Variants in NEXN observed in about 807,000 individuals in gnomAD.
NEXN encodes nexilin.
A neutral mutation model predicts 92.6 loss-of-function variants in NEXN; 65 were observed. That is an observed-to-expected ratio of 0.70 (90% CI 0.57 to 0.86). The LOEUF (loss-of-function observed/expected upper bound fraction) is 0.86. NEXN is among the 40% of genes least tolerant of loss of function. NEXN has a pLI of 0.00. For synonymous variants in NEXN, 254 were observed against 242.5 expected (o/e 1.05, Z -0.44); for missense variants, 778 against 771.1 (o/e 1.01, Z -0.11).
At chr1:77,937,200 A>G (rs1650838250) in intron 11 of NEXN, among the ~76,000 whole-genome samples, 2 of 152,078 alleles carry the variant, frequency 1.3e-5, no homozygotes, top group South Asian at 4.1e-4. Flanking sequence ...GTTACTTGGG[A>G]GGCTGAGGTG....
At chr1:77,928,039 G>A (rs1224301037) in intron 8 of NEXN, among the ~76,000 whole-genome samples, 2 of 151,928 alleles carry the variant, frequency 1.3e-5, no homozygotes, top group Non-Finnish European at 2.9e-5. Flanking sequence ...GCCAGGCATG[G>A]TGGCCATGCC....
chr1:77,904,218 C>G (rs1488118607), intron 1 of NEXN, among the ~76,000 whole-genome samples: 1 of 152,080 alleles, frequency 6.6e-6, no homozygotes, highest in East Asian at 1.9e-4. Context: ...GTCTCAAACT[C>G]CTGACCTCAA....
chr1:77,923,681 T>TTTA (rs1453818826), intron 5 of NEXN, among the ~76,000 whole-genome samples: 14 of 4,542 alleles, frequency 3.1e-3, no homozygotes, highest in African/African-American at 5.6e-3. Flanking sequence ...TGAGCTCTCT[T>TTTA]TTTTTTTTTT....
intron 8 of NEXN, among the ~76,000 whole-genome samples, chr1:77,927,615 T>A (rs1571138505): frequency 6.6e-6 from 1 of 151,406 alleles, no homozygotes; most frequent in Non-Finnish European, 1.5e-5. Flanking sequence ...TGTGTGTGTG[T>A]GTGTGTGTGT....
intron 1 of NEXN, among the ~76,000 whole-genome samples, chr1:77,906,010 G>C (rs1364670702): frequency 2.0e-5 from 3 of 152,078 alleles, no homozygotes; most frequent in Non-Finnish European, 4.4e-5. Context: ...AGAAGAAAAA[G>C]TGGACAATGA....
chr1:77,907,831 T>TCA (rs748552595), intron 1 of NEXN, among the ~76,000 whole-genome samples: 7 of 152,134 alleles, frequency 4.6e-5, no homozygotes, highest in Non-Finnish European at 1.0e-4. Context: ...TTCTTTCATT[T>TCA]CACACACACA....
intron 7 of NEXN, 43 bp downstream of exon 7, chr1:77,926,654 A>C (rs769483153): frequency 1.1e-5 from 17 of 1,613,880 alleles, no homozygotes; most frequent in Non-Finnish European, 1.4e-5. Context: ...AAATCAAGGC[A>C]GTTTAAGTTA....
intron 5 of NEXN, among the ~76,000 whole-genome samples, chr1:77,918,665 A>G (rs1430761752): frequency 6.9e-6 from 1 of 145,862 alleles, no homozygotes; most frequent in African/African-American, 2.5e-5. Context: ...GACCTATCTC[A>G]AAGAAAAAAA....
intron 5 of NEXN, among the ~76,000 whole-genome samples, chr1:77,921,156 C>T (rs1435198458): frequency 6.6e-6 from 1 of 152,120 alleles, no homozygotes; most frequent in Non-Finnish European, 1.5e-5. Flanking sequence ...GGCTGGGTAA[C>T]AACATAGTGA....
At chr1:77,912,595 A>G (rs533464593) in intron 1 of NEXN, among the ~76,000 whole-genome samples, 10 of 151,068 alleles carry the variant, frequency 6.6e-5, no homozygotes, top group South Asian at 4.1e-4. Flanking sequence ...TGGTGAAATA[A>G]TAAACAAAAA....
intron 1 of NEXN, among the ~76,000 whole-genome samples, chr1:77,909,295 C>G (rs560295089): frequency 2.0e-5 from 3 of 152,080 alleles, no homozygotes; most frequent in African/African-American, 7.2e-5. Context: ...TGGGGCATGC[C>G]TGTAATCCCA....
chr1:77,943,020 G>T lies in NEXN; in HGVS notation c.*191G>T. 1.5e-6 allele frequency: 1 copy of T among 682,962 alleles called. No individual in the cohort carries two copies. Among genetic ancestry groups the T allele is most frequent in the Non-Finnish European group, 2.6e-6 (1 of 383,454 alleles). 42.3% of individuals were successfully genotyped at this position (682,962 alleles called of 1,614,324 possible). A position where few individuals can be genotyped will look rare whatever the true frequency, so the allele number is the denominator to read the frequency against. On this transcript the variant is annotated 3_prime_UTR_variant, in exon 13 of 13. Transcript: ENST00000334785. ...AGGAAACCAGGAGTGCCACTATGCT[G>T]ACTTCTTATTCCTTTTCATAACAGT...
At chr1:77,935,373 C>A (rs1650665283) in intron 10 of NEXN, among the ~76,000 whole-genome samples, 1 of 152,144 alleles carries the variant, frequency 6.6e-6, no homozygotes, top group Admixed American at 6.5e-5. Flanking sequence ...CTTCCCCTAA[C>A]AAAGATCTTC....
intron 10 of NEXN, 79 bp from the exon 11 acceptor site, chr1:77,935,743 AG>A: frequency 7.7e-7 from 1 of 1,291,866 alleles, no homozygotes; most frequent in South Asian, 1.2e-5. Flanking sequence ...GCTTAAACAC[AG>A]GAATTCAAGG....
At chr1:77,934,813 T>C (rs1780051) in intron 10 of NEXN, among the ~76,000 whole-genome samples, 151,575 of 152,378 alleles carry the variant, frequency 0.99, 75,392 homozygotes, top group Middle Eastern at 1. Flanking sequence ...TGCTATGGCA[T>C]GTTTGGCAGG....
intron 1 of NEXN, among the ~76,000 whole-genome samples, chr1:77,889,915 CATATCTTAGTCACACGTTATTT>C (rs1177301420): frequency 6.6e-6 from 1 of 152,158 alleles, no homozygotes; most frequent in East Asian, 1.9e-4. Context: ...TACTTAAGTT[CATATCTTAGTCACACGTTATTT>C]ATATCTTAGT....
intron 1 of NEXN, among the ~76,000 whole-genome samples, chr1:77,896,338 T>G (rs969576877): frequency 5.3e-5 from 8 of 152,086 alleles, no homozygotes; most frequent in African/African-American, 1.9e-4. Flanking sequence ...CCTTTTTTAT[T>G]TACTTGTTTG....
intron 1 of NEXN, among the ~76,000 whole-genome samples, chr1:77,901,199 A>G (rs1338505691): frequency 1.3e-5 from 2 of 152,152 alleles, no homozygotes; most frequent in African/African-American, 2.4e-5. Flanking sequence ...ACATATTAGT[A>G]TAAGGTCATA....
rs773102085 is a variant in NEXN, at chr1:77,935,850, T to C, written c.1279T>C (p.Leu427=). Reference sequence around the variant, plus strand: ...AGAGGAAGAAAATGAAACCTTTGGATTGAGCAGAGAATATGAAGAACTGAT... The same window carrying C: ...AGAGGAAGAAAATGAAACCTTTGGACTGAGCAGAGAATATGAAGAACTGAT... The part of the protein sequence containing the change: ...EEEEENETFG[L]SREYEELIKL... The change falls in exon 11 of 13, where the codon TTG becomes CTG. Residue 427 remains leucine, a synonymous_variant. Transcript: ENST00000334785. 1 of 1,613,020 alleles carries C rather than the reference T, an allele frequency of 6.2e-7. No homozygotes were observed. Among genetic ancestry groups the C allele is most frequent in the Admixed American group, 1.7e-5 (1 of 59,994 alleles).
Sources: gnomAD v4.1 joint callset for allele counts (sites outside exome capture counted in the v4.1 genomes callset) on GRCh38, gnomAD v4.1.1 for gene constraint, MANE v1.5 for transcripts, NCBI Gene and HGNC (gene_info 2026-07-23, HGNC 2026-07-21) for gene names.